AGBL1: variants seen among roughly 807,000 people sequenced by gnomAD.
AGBL1 encodes the protein cytosolic carboxypeptidase 4.
In AGBL1, 130 loss-of-function variants were observed where a neutral mutation model predicts 118.9. That is an observed-to-expected ratio of 1.09 (90% confidence interval 0.95 to 1.26). The LOEUF (loss-of-function observed/expected upper bound fraction) is 1.26, where lower values mean the gene tolerates loss of function less well. AGBL1 is among the 50% of genes most tolerant of loss of function. AGBL1 has a pLI of 0.00. For missense variants in AGBL1, 1,584 were observed against 1,298.1 expected (o/e 1.22, Z -3.38); for synonymous variants, 555 against 478.9 (o/e 1.16, Z -2.08).
intron 24 of AGBL1, among the ~76,000 whole-genome samples, chr15:87,011,574 T>G (rs528947480): frequency 1.3e-5 from 2 of 152,326 alleles, no homozygotes; most frequent in African/African-American, 4.8e-5. Flanking sequence ...CATTTAAAAA[T>G]ATTGCATTTT....
At chr15:86,886,509 A>G (rs185801543) in intron 22 of AGBL1, among the ~76,000 whole-genome samples, 10 of 152,312 alleles carry the variant, frequency 6.6e-5, no homozygotes, top group East Asian at 1.9e-4. Flanking sequence ...CCTTTCTTTA[A>G]TTAGCATTTG....
chr15:86,972,553 T>A (rs748109431), intron 23 of AGBL1, among the ~76,000 whole-genome samples: 18 of 152,178 alleles, frequency 1.2e-4, no homozygotes, highest in African/African-American at 4.3e-4. Flanking sequence ...TTTTATCTTA[T>A]GGGCATTACT....
intron 22 of AGBL1, among the ~76,000 whole-genome samples, chr15:86,795,437 G>C (rs896010939): frequency 1.3e-5 from 2 of 151,936 alleles, no homozygotes; most frequent in Non-Finnish European, 2.9e-5. Context: ...CCATTACCTG[G>C]GATGGGGAGC....
chr15:86,501,294 G>A (rs2082914913), intron 18 of AGBL1, among the ~76,000 whole-genome samples: 1 of 151,538 alleles, frequency 6.6e-6, no homozygotes, highest in Non-Finnish European at 1.5e-5. Context: ...TTGGTGATTT[G>A]TATATCCTAT....
chr15:86,171,349 CAACAAG>C (rs1453574364), intron 5 of AGBL1, among the ~76,000 whole-genome samples: 1 of 118,880 alleles, frequency 8.4e-6, no homozygotes, highest in Non-Finnish European at 2.0e-5. Flanking sequence ...AAATATATGA[CAACAAG>C]AGCACAAAGA....
intron 22 of AGBL1, among the ~76,000 whole-genome samples, chr15:86,893,613 C>T (rs866200351): frequency 1.4e-4 from 22 of 152,194 alleles, no homozygotes; most frequent in African/African-American, 5.3e-4. Flanking sequence ...GGAAGAATGG[C>T]AAGGGATAGA....
chr15:86,383,377 C>T (rs184817017), intron 17 of AGBL1, among the ~76,000 whole-genome samples: 355 of 151,118 alleles, frequency 2.3e-3, no homozygotes, highest in African/African-American at 8.0e-3. Flanking sequence ...TACTGAAGGT[C>T]GGGAGTTCAA....
chr15:86,280,327 A>G (rs2079330613), intron 16 of AGBL1, among the ~76,000 whole-genome samples: 1 of 152,196 alleles, frequency 6.6e-6, no homozygotes, highest in African/African-American at 2.4e-5. Context: ...AGAATAAAAC[A>G]CTAGATCATT....
chr15:86,727,314 C>T (rs931508499), intron 22 of AGBL1, among the ~76,000 whole-genome samples: 3 of 152,050 alleles, frequency 2.0e-5, no homozygotes, highest in Non-Finnish European at 2.9e-5. Context: ...GCTAAATGTG[C>T]GAATTCAGAA....
intron 21 of AGBL1, among the ~76,000 whole-genome samples, chr15:86,624,207 A>G (rs73443562): frequency 0.013 from 1,984 of 152,336 alleles, 44 homozygotes; most frequent in African/African-American, 0.045. Flanking sequence ...AGGCAGGCTT[A>G]GAAAGGTAAT....
intron 21 of AGBL1, among the ~76,000 whole-genome samples, chr15:86,569,295 G>C (rs2083965786): frequency 6.6e-6 from 1 of 151,878 alleles, no homozygotes; most frequent in Admixed American, 6.6e-5. Context: ...GCCGACCATG[G>C]TGGCACGTGC....
chr15:86,245,825 C>T (rs929571322), intron 6 of AGBL1, among the ~76,000 whole-genome samples: 11 of 152,212 alleles, frequency 7.2e-5, no homozygotes, highest in Non-Finnish European at 1.6e-4. Context: ...AGAGTCTATC[C>T]TCTTGTTGAA....
intron 24 of AGBL1, among the ~76,000 whole-genome samples, chr15:87,016,764 G>A (rs1413625178): frequency 1.3e-5 from 2 of 152,100 alleles, no homozygotes; most frequent in Non-Finnish European, 2.9e-5. Context: ...CCCAGCCAAG[G>A]GAAGTGGTGA....
chr15:86,906,281 G>A (rs1241541924), intron 22 of AGBL1, among the ~76,000 whole-genome samples: 1 of 152,186 alleles, frequency 6.6e-6, no homozygotes, highest in African/African-American at 2.4e-5. Flanking sequence ...ACAGCTCCTT[G>A]GGAGGAAACT....
chr15:86,415,728 A>C (rs1406270944), intron 18 of AGBL1, among the ~76,000 whole-genome samples: 1 of 152,098 alleles, frequency 6.6e-6, no homozygotes, highest in Non-Finnish European at 1.5e-5. Context: ...TGTGTAGTTG[A>C]TCTAAATGGA....
chr15:86,371,238 G>A (rs2080966450), intron 17 of AGBL1, among the ~76,000 whole-genome samples: 1 of 152,164 alleles, frequency 6.6e-6, no homozygotes, highest in Non-Finnish European at 1.5e-5. Flanking sequence ...CGTGCAGCTG[G>A]TAGGCAAAGA....
rs374834762 is a variant in AGBL1 at position 86,948,790 on chromosome 15, ATAAC to A, written c.3222-39194_3222-39191del. Reference sequence around the variant, plus strand: ...GTAGCATGAGGAAGAGAAAAATAAAATAACTATTTGATATCTTGGACGAGTGAGA... The same window carrying A: ...GTAGCATGAGGAAGAGAAAAATAAAATATTTGATATCTTGGACGAGTGAGA... On this transcript the variant is annotated intron_variant, in intron 23 of 24. Transcript: ENST00000441037. 3.0e-4 allele frequency among the ~76,000 whole-genome samples: 45 copies of A among 152,358 alleles called. 1 individual carries two copies. In the East Asian group the frequency reaches 6.6e-3, roughly 22 times the overall value.
At chr15:86,209,671 A>T (rs4435234) in intron 5 of AGBL1, among the ~76,000 whole-genome samples, 104,326 of 151,844 alleles carry the variant, frequency 0.69, 36,645 homozygotes, top group African/African-American at 0.83. Context: ...TGCTTGGTAG[A>T]TCTTCTTCCA....
chr15:86,274,996 G>C (rs2141702225), intron 15 of AGBL1, among the ~76,000 whole-genome samples: 1 of 152,116 alleles, frequency 6.6e-6, no homozygotes, highest in East Asian at 1.9e-4. Flanking sequence ...TGCCCCTCGA[G>C]AGGGAGGAAC....
Sources: allele counts gnomAD v4.1 joint callset (sites outside exome capture counted in the v4.1 genomes callset), GRCh38; gene constraint gnomAD v4.1.1; transcripts MANE v1.5; gene names NCBI Gene and HGNC (gene_info 2026-07-23, HGNC 2026-07-21).